LATS2: variants seen among roughly 807,000 people sequenced by gnomAD.
LATS2 encodes the protein large tumor suppressor kinase 2, also known as serine/threonine-protein kinase LATS2.
A neutral mutation model predicts 76.0 loss-of-function variants in LATS2; 24 were observed. The ratio of observed to expected loss-of-function variants is 0.32; its 90% CI spans 0.23 to 0.44. LATS2 has a LOEUF of 0.44. LATS2 is among the 20% of genes least tolerant of loss of function. LATS2 has a pLI of 1.00. For missense variants in LATS2, 1,286 were observed against 1,481.2 expected (o/e 0.87, Z 2.16); for synonymous variants, 692 against 635.4 (o/e 1.09, Z -1.34).
chr13:21,039,912 A>G (rs1872808018), intron 2 of LATS2, among the ~76,000 whole-genome samples: 1 of 152,190 alleles, frequency 6.6e-6, no homozygotes, highest in African/African-American at 2.4e-5. Flanking sequence ...CATCTCTACT[A>G]AAAATACAAA....
At chr13:21,007,701 TATGTATATATATATATATATA>T (rs1871387149) in intron 2 of LATS2, among the ~76,000 whole-genome samples, 2 of 304 alleles carry the variant, frequency 6.6e-3, no homozygotes, top group African/African-American at 4.8e-3. Flanking sequence ...ATATATATAG[TATGTATATATATATATATATA>T]GTATATATAT....
intron 2 of LATS2, among the ~76,000 whole-genome samples, chr13:21,032,134 T>C (rs1328635934): frequency 6.6e-6 from 1 of 152,246 alleles, no homozygotes; most frequent in Non-Finnish European, 1.5e-5. Context: ...AAAACAATAC[T>C]GTTGATAATA....
In LATS2 at chr13:21,055,004, G is replaced by A. The variant is rs373563720; in HGVS notation, c.-205+6342C>T. On this transcript the variant is annotated intron_variant, in intron 1 of 7. Coordinates refer to ENST00000382592, the MANE Select transcript of LATS2 (RefSeq NM_014572.3). ...GTGAATATGAAAAAATAGTACCTAC[G>A]GATAAACTGTGTTCTTGCCTGAGTA... is the stretch of plus-strand genomic sequence containing the variant. Among the ~76,000 whole-genome samples, 10 of 152,250 alleles carry A rather than the reference G, an allele frequency of 6.6e-5. No individual in the cohort carries two copies. The South Asian group carries it at 1.0e-3, about 16-fold the overall frequency.
chr13:20,997,961 GT>G (rs533225750), intron 2 of LATS2, among the ~76,000 whole-genome samples: 39 of 152,276 alleles, frequency 2.6e-4, no homozygotes, highest in Middle Eastern at 3.4e-3. Flanking sequence ...ATATCCTAAA[GT>G]TTTAACATTC....
chr13:21,051,446 T>G (rs1873272291), intron 1 of LATS2, among the ~76,000 whole-genome samples: 1 of 152,152 alleles, frequency 6.6e-6, no homozygotes, highest in African/African-American at 2.4e-5. Context: ...TAGAGAAAAG[T>G]GGGTGCACTC....
intron 2 of LATS2, among the ~76,000 whole-genome samples, chr13:21,007,555 A>AC (rs367791420): frequency 4.3e-4 from 6 of 13,892 alleles, no homozygotes; most frequent in African/African-American, 1.8e-3. Flanking sequence ...GTATATATAT[A>AC]TATATATATA....
Position 20,979,786 on chromosome 13 carries a change from G to C in LATS2, c.2677C>G (p.Leu893Val). ...ACTCCAACACTCCACCAGTCACAGA[G>C]TTGAGTGTACCCTGCAAGACAAAGT... is the stretch of plus-strand genomic sequence containing the variant. ...EVLLRKGYTQ[L>V]CDWWSVGVIL... is the part of the protein sequence containing the mutation. Residue 893 changes from leucine to valine, a missense_variant, in exon 7 of 8, where the codon CTC becomes GTC. Leu to Val is a conservative substitution (Grantham distance 32, BLOSUM62 1). Transcript: ENST00000382592. 6.2e-7 allele frequency: 1 copy of C among 1,604,890 alleles called. No homozygotes were observed. Among genetic ancestry groups the C allele is most frequent in the Non-Finnish European group, 8.5e-7 (1 of 1,172,174 alleles).
rs566605365 is a variant in LATS2, at chr13:21,038,894, T to C, written c.342+6791A>G. 9.2e-5 allele frequency among the ~76,000 whole-genome samples: 14 copies of C among 152,234 alleles called. No homozygotes were observed. In the South Asian group the frequency reaches 2.5e-3, roughly 27 times the overall value. ...CTCGGGAGGCTGAGGCATGGCGCAT[T>C]GCTTGAACCCGCGAGGCGGAGGTTG... On this transcript the variant is annotated intron_variant, in intron 2 of 7. Transcript: ENST00000382592.
In LATS2 at chr13:20,983,623, C is replaced by A; in HGVS notation, c.2083G>T (p.Ala695Ser). Residue 695 changes from alanine to serine, a missense_variant, in exon 5 of 8, where the codon GCC becomes TCC. Coordinates refer to ENST00000382592, the MANE Select transcript of LATS2 (RefSeq NM_014572.3). ...ACKVDTHALY[A>S]MKTLRKKDVL... ...TCCTTTTTCCTTAGGGTCTTCATGG[C>A]GTACAGGGCGTGAGTGTCCACCTTA... The A allele has an allele frequency of 6.2e-7, 1 of 1,614,090 alleles. No individual in the cohort carries two copies.
In LATS2 at chr13:21,007,682, A is replaced by ATAGT. The variant is rs1487416836; in HGVS notation, c.343-16279_343-16278insACTA. The stretch of plus-strand genomic sequence containing the variant: ...ATATATAGTGTGTATATATATATAT[A>ATAGT]GTATATATATATATATAGTATGTAT... On this transcript the variant is annotated intron_variant, in intron 2 of 7. Coordinates refer to ENST00000382592, the MANE Select transcript of LATS2 (RefSeq NM_014572.3). Among the ~76,000 whole-genome samples the ATAGT allele has an allele frequency of 1.7e-3, 4 of 2,404 alleles. 2 individuals carry two copies. Among genetic ancestry groups the ATAGT allele is most frequent in the African/African-American group, 7.3e-3 (4 of 546 alleles). 1.6% of individuals were successfully genotyped at this position (2,404 alleles called of 152,430 possible).
intron 1 of LATS2, among the ~76,000 whole-genome samples, chr13:21,050,387 G>A (rs896306484): frequency 5.3e-5 from 8 of 151,962 alleles, no homozygotes; most frequent in African/African-American, 1.9e-4. Context: ...CACAGACCAA[G>A]GGGAACCACC....
chr13:20,983,837 T>C (rs765763855), intron 4 of LATS2, 31 bp from the exon 5 acceptor site: 14 of 1,551,304 alleles, frequency 9.0e-6, no homozygotes, highest in Non-Finnish European at 1.2e-5. Context: ...GGAGGAAGAA[T>C]CACATTAGAG....
intron 4 of LATS2, 69 bp downstream of exon 4, chr13:20,987,812 G>A: frequency 6.5e-7 from 1 of 1,533,580 alleles, no homozygotes; most frequent in Non-Finnish European, 8.9e-7. Context: ...AAAAGGGATT[G>A]TGCGTGCTTC....
chr13:21,053,407 G>A (rs1329927754), intron 1 of LATS2, among the ~76,000 whole-genome samples: 1 of 151,948 alleles, frequency 6.6e-6, no homozygotes, highest in Non-Finnish European at 1.5e-5. Context: ...ACTGGCTGGT[G>A]TGCTTCCTCT....
At chr13:21,025,760 G>C (rs1318685902) in intron 2 of LATS2, among the ~76,000 whole-genome samples, 1 of 152,162 alleles carries the variant, frequency 6.6e-6, no homozygotes, top group African/African-American at 2.4e-5. Context: ...CCTGTCCTCT[G>C]CACGGAGGAG....
At chr13:20,996,322 A>C (rs537273600) in intron 2 of LATS2, among the ~76,000 whole-genome samples, 1 of 151,722 alleles carries the variant, frequency 6.6e-6, no homozygotes, top group Admixed American at 6.6e-5. Flanking sequence ...TTTCATTCAC[A>C]TCTCACATCC....
chr13:21,019,582 A>C (rs1871960066), intron 2 of LATS2, among the ~76,000 whole-genome samples: 1 of 127,222 alleles, frequency 7.9e-6, no homozygotes, highest in Non-Finnish European at 1.6e-5. Flanking sequence ...ACCTCAGGTG[A>C]TCTGCCTGCC....
At chr13:21,012,958 A>C (rs139786433) in intron 2 of LATS2, among the ~76,000 whole-genome samples, 2 of 152,306 alleles carry the variant, frequency 1.3e-5, no homozygotes, top group East Asian at 3.9e-4. Context: ...TCTATTGCAA[A>C]GCAATTAGTT....
chr13:20,979,918 C>T, intron 6 of LATS2, 121 bp from the exon 7 acceptor site: 1 of 606,092 alleles, frequency 1.6e-6, no homozygotes, highest in Non-Finnish European at 2.9e-6. Flanking sequence ...AAGCATCGCA[C>T]TGTGCGCAAG....
Sources: gnomAD v4.1 joint callset for allele counts (sites outside exome capture counted in the v4.1 genomes callset) on GRCh38, gnomAD v4.1.1 for gene constraint, MANE v1.5 for transcripts, NCBI Gene and HGNC (gene_info 2026-07-23, HGNC 2026-07-21) for gene names.